USH2A: variants seen among roughly 807,000 people sequenced by gnomAD.
USH2A encodes the protein Usher syndrome 2A (autosomal recessive, mild).
In USH2A, 443 loss-of-function variants were observed where a neutral mutation model predicts 538.9. That is an observed-to-expected ratio of 0.82 (90% CI 0.76 to 0.89). The LOEUF (loss-of-function observed/expected upper bound fraction) is 0.89. USH2A is among the 40% of genes least tolerant of loss of function. USH2A has a pLI of 0.00. For missense variants in USH2A, 6,633 were observed against 6,324.8 expected, an observed-to-expected ratio of 1.05 and a Z score of -1.65; for synonymous variants, 2,413 against 2,273.5, an observed-to-expected ratio of 1.06 and a Z score of -1.75.
chr1:216,177,864 G>A (rs932700102), intron 20 of USH2A, among the ~76,000 whole-genome samples: 6 of 152,214 alleles, frequency 3.9e-5, no homozygotes, highest in African/African-American at 1.4e-4. Flanking sequence ...GGATTTGAGA[G>A]GTGAATGTGG....
chr1:216,140,471 A>G (rs927205506), intron 21 of USH2A, among the ~76,000 whole-genome samples: 4 of 152,186 alleles, frequency 2.6e-5, no homozygotes, highest in Admixed American at 1.3e-4. Flanking sequence ...GTTCAAAAAA[A>G]GAGAATGAAA....
At chr1:216,251,248 C>T (rs2102552258) in intron 11 of USH2A, 150 bp from the exon 12 acceptor site, 1 of 748,652 alleles carries the variant, frequency 1.3e-6, no homozygotes, top group East Asian at 2.7e-5. Flanking sequence ...TGACACACAA[C>T]ATGGGAGGCT....
chr1:216,300,892 G>T (rs2037202884), intron 9 of USH2A, among the ~76,000 whole-genome samples: 1 of 151,422 alleles, frequency 6.6e-6, no homozygotes, highest in Non-Finnish European at 1.5e-5. Flanking sequence ...GGTACTACAG[G>T]CACACATCAC....
At chr1:216,386,482 CTCAAAAAAACAA>C (rs1435273169) in intron 3 of USH2A, among the ~76,000 whole-genome samples, 3 of 105,748 alleles carry the variant, frequency 2.8e-5, no homozygotes, top group African/African-American at 1.0e-4. Context: ...CGAGACTCGT[CTCAAAAAAACAA>C]ACAAACAAAC....
intron 26 of USH2A, 60 bp downstream of exon 26, chr1:216,083,391 GGTTTA>G: frequency 6.5e-7 from 1 of 1,543,536 alleles, no homozygotes; most frequent in Non-Finnish European, 8.9e-7. Context: ...GCCAACACAT[GGTTTA>G]TTTATTTTAA....
intron 47 of USH2A, among the ~76,000 whole-genome samples, chr1:215,818,234 C>A (rs1662914141): frequency 6.6e-6 from 1 of 151,738 alleles, no homozygotes. Flanking sequence ...CAGTCCTAAC[C>A]CTTGCATTGT....
At chr1:215,785,562 T>C (rs1237205836) in intron 52 of USH2A, among the ~76,000 whole-genome samples, 4 of 152,152 alleles carry the variant, frequency 2.6e-5, no homozygotes, top group Admixed American at 2.6e-4. Context: ...CTAATGTAAA[T>C]GACAAGTTAA....
chr1:215,987,029 T>G (rs1204873123), intron 35 of USH2A, among the ~76,000 whole-genome samples: 5 of 152,218 alleles, frequency 3.3e-5, no homozygotes, highest in Non-Finnish European at 7.3e-5. Flanking sequence ...ACATTTTATA[T>G]TCTATATTTT....
chr1:216,327,870 T>C (rs2037766955), intron 4 of USH2A, among the ~76,000 whole-genome samples: 1 of 152,158 alleles, frequency 6.6e-6, no homozygotes, highest in Admixed American at 6.6e-5. Context: ...AGGACTTAAG[T>C]CAAAGTGAAT....
At chr1:215,627,413 C>CTTCCTTCCTTCCTTCCTTCCTTCT (rs1656074053) in intron 71 of USH2A, among the ~76,000 whole-genome samples, 1 of 109,084 alleles carries the variant, frequency 9.2e-6, no homozygotes, top group Non-Finnish European at 2.0e-5. Flanking sequence ...TCCTTCCTTC[C>CTTCCTTCCTTCCTTCCTTCCTTCT]TTCCTTCCTT....
chr1:216,200,434 A>G (rs1390855058), intron 16 of USH2A, among the ~76,000 whole-genome samples: 1 of 152,192 alleles, frequency 6.6e-6, no homozygotes, highest in African/African-American at 2.4e-5. Context: ...CCAAAACAGA[A>G]AAGTAACTAT....
chr1:215,647,677 G>C lies in USH2A; in HGVS notation c.14636C>G (p.Thr4879Ser). The C allele has an allele frequency of 6.2e-7, 1 of 1,614,190 alleles. No homozygotes were observed. The stretch of plus-strand genomic sequence containing the variant: ...GTACTTTGTTTCTATTTGGCTGGGA[G>C]TACAGGGGAGGGCTGAGTCAGGAGG... ...ACPPDSALPCTPSQIETKYTG... is the reference protein window; with the variant it reads ...ACPPDSALPCSPSQIETKYTG... The change falls in exon 67 of 72, where the codon ACT becomes AGT. Residue 4879 changes from threonine (T) to serine (S), a missense_variant. Coordinates refer to ENST00000307340, the MANE Select transcript of USH2A (RefSeq NM_206933.4).
intron 64 of USH2A, among the ~76,000 whole-genome samples, chr1:215,663,073 G>A (rs1367491703): frequency 6.6e-6 from 1 of 152,170 alleles, no homozygotes; most frequent in Non-Finnish European, 1.5e-5. Flanking sequence ...TGGCAAGGAT[G>A]AGGAGGGTTG....
At chr1:215,628,166 CA>C (rs528586936) in intron 71 of USH2A, among the ~76,000 whole-genome samples, 1 of 151,784 alleles carries the variant, frequency 6.6e-6, no homozygotes, top group East Asian at 1.9e-4. Flanking sequence ...AAAGGCAAAA[CA>C]AAAAAAGTAC....
chr1:216,120,336 G>A (rs929806249), intron 21 of USH2A, among the ~76,000 whole-genome samples: 1 of 150,936 alleles, frequency 6.6e-6, no homozygotes, highest in Non-Finnish European at 1.5e-5. Context: ...GGAGATTGAG[G>A]CCAGCCTGGC....
chr1:215,638,900 C>T (rs575149311), intron 69 of USH2A, among the ~76,000 whole-genome samples: 57 of 150,890 alleles, frequency 3.8e-4, no homozygotes, highest in Admixed American at 1.8e-3. Flanking sequence ...ATCGCTTGAA[C>T]CCAGGAGGTG....
At chr1:216,069,479 TTA>T (rs1241867734) in intron 30 of USH2A, among the ~76,000 whole-genome samples, 3 of 152,180 alleles carry the variant, frequency 2.0e-5, no homozygotes, top group Non-Finnish European at 2.9e-5. Context: ...AAGGCTTAAA[TTA>T]AACTCTCCCT....
At chr1:215,733,902 C>T (rs150930458) in intron 60 of USH2A, among the ~76,000 whole-genome samples, 1 of 152,324 alleles carries the variant, frequency 6.6e-6, no homozygotes, top group African/African-American at 2.4e-5. Flanking sequence ...ATCCCTATGG[C>T]TTTTTTCAGG....
chr1:215,842,211 T>C (rs566965221), intron 46 of USH2A, among the ~76,000 whole-genome samples: 4 of 152,038 alleles, frequency 2.6e-5, no homozygotes, highest in Non-Finnish European at 4.4e-5. Context: ...CACCTGGAGC[T>C]CAACATAACT....
Sources: gnomAD v4.1 joint callset for allele counts (sites outside exome capture counted in the v4.1 genomes callset) on GRCh38, gnomAD v4.1.1 for gene constraint, MANE v1.5 for transcripts, NCBI Gene and HGNC (gene_info 2026-07-23, HGNC 2026-07-21) for gene names.